Variants in LRRC63 observed in about 807,000 individuals in gnomAD.
LRRC63 encodes the protein leucine rich repeat containing 63, also known as leucine-rich repeat-containing protein 63.
LRRC63 carries 40 observed loss-of-function variants against 49.5 expected under a neutral mutation model. The observed-to-expected ratio is 0.81, with a 90% CI of 0.63 to 1.05. The LOEUF (loss-of-function observed/expected upper bound fraction) is 1.05. Among genes scored for constraint, LRRC63 ranks in the 50% least tolerant of loss-of-function variants. The probability of loss-of-function intolerance (pLI) is 0.00; values close to 1 mark genes in which losing one functional copy is unlikely to be tolerated. For synonymous variants in LRRC63, 191 were observed against 221.1 expected (o/e 0.86, Z 1.21); for missense variants, 636 against 663.1 (o/e 0.96, Z 0.45).
At chr13:46,258,365 G>A (rs952081295) in intron 7 of LRRC63, among the ~76,000 whole-genome samples, 5 of 150,340 alleles carry the variant, frequency 3.3e-5, no homozygotes, top group Non-Finnish European at 7.4e-5. Context: ...TCCTGACCTT[G>A]TGATCTGCCC....
At chr13:46,230,807 A>G (rs553410353) in intron 4 of LRRC63, among the ~76,000 whole-genome samples, 1 of 152,302 alleles carries the variant, frequency 6.6e-6, no homozygotes, top group South Asian at 2.1e-4. Flanking sequence ...TTTCGAATAT[A>G]AATTTCAACT....
intron 5 of LRRC63, among the ~76,000 whole-genome samples, chr13:46,239,195 G>A (rs1368435783): frequency 6.6e-6 from 1 of 152,024 alleles, no homozygotes; most frequent in Non-Finnish European, 1.5e-5. Context: ...AGCAGATCCA[G>A]GAGTTGATTT....
chr13:46,276,732 A>G (rs779142250), exon 10 of LRRC63: 2 of 1,228,882 alleles, frequency 1.6e-6, no homozygotes, highest in Non-Finnish European at 2.0e-6. Flanking sequence ...AATAAAGGAA[A>G]GCAGTTTTGT....
chr13:46,213,800 T>C (rs61670102), intron 2 of LRRC63, among the ~76,000 whole-genome samples: 2,900 of 152,312 alleles, frequency 0.019, 89 homozygotes, highest in African/African-American at 0.066. Context: ...AACCAGAGGT[T>C]TGCAGGAACC....
chr13:46,228,423 C>T (rs769578990), intron 3 of LRRC63, among the ~76,000 whole-genome samples: 20 of 152,112 alleles, frequency 1.3e-4, no homozygotes, highest in Admixed American at 9.8e-4. Flanking sequence ...TGGGAACCAA[C>T]AAGGGAATTC....
chr13:46,218,591 G>A (rs1161629811), intron 2 of LRRC63, among the ~76,000 whole-genome samples: 1 of 152,084 alleles, frequency 6.6e-6, no homozygotes, highest in African/African-American at 2.4e-5. Context: ...GGGGCATTTA[G>A]CCTATTTACA....
At chr13:46,270,659 G>A (rs1397565888) in intron 9 of LRRC63, 1 of 787,198 alleles carries the variant, frequency 1.3e-6, no homozygotes, top group East Asian at 2.7e-5. Context: ...TGGGATTCTT[G>A]TTACCTGGCC....
intron 2 of LRRC63, among the ~76,000 whole-genome samples, chr13:46,225,233 C>G (rs2046535290): frequency 6.6e-6 from 1 of 152,216 alleles, no homozygotes; most frequent in Non-Finnish European, 1.5e-5. Flanking sequence ...TCAGGTTCTT[C>G]TGCTCTCTGC....
At chr13:46,220,752 G>A (rs1207454743) in intron 2 of LRRC63, among the ~76,000 whole-genome samples, 4 of 152,150 alleles carry the variant, frequency 2.6e-5, no homozygotes. Flanking sequence ...GCACCTGAGG[G>A]AATCTCCTGG....
At chr13:46,259,561 C>T (rs1594090883) in intron 7 of LRRC63, among the ~76,000 whole-genome samples, 1 of 152,160 alleles carries the variant, frequency 6.6e-6, no homozygotes, top group East Asian at 1.9e-4. Context: ...CAAAAAGAAC[C>T]GAACAGCCTA....
intron 2 of LRRC63, among the ~76,000 whole-genome samples, chr13:46,225,011 C>T (rs1325498944): frequency 6.6e-6 from 1 of 152,086 alleles, no homozygotes; most frequent in Non-Finnish European, 1.5e-5. Flanking sequence ...ACTGGTGGGC[C>T]GGTTCCTGGG....
intron 5 of LRRC63, among the ~76,000 whole-genome samples, chr13:46,245,506 C>T (rs971594506): frequency 1.3e-5 from 2 of 152,010 alleles, no homozygotes; most frequent in Non-Finnish European, 2.9e-5. Flanking sequence ...TTGTAGTTCT[C>T]GTACCACAAC....
At chr13:46,273,533 C>G (rs2047788386) in intron 9 of LRRC63, among the ~76,000 whole-genome samples, 1 of 150,294 alleles carries the variant, frequency 6.7e-6, no homozygotes. Context: ...ACCCAGGAGC[C>G]TGAGGTTGCA....
Position 46,246,364 on chromosome 13 carries a change from A to G in LRRC63, c.991-163A>G, listed in dbSNP as rs139122439. Among the ~76,000 whole-genome samples the G allele has an allele frequency of 3.2e-3, 489 of 152,276 alleles. 3 individuals carry two copies. Among genetic ancestry groups the G allele is most frequent in the African/African-American group, 0.011 (459 of 41,544 alleles). ...TTTACATACCAAAGAAATTATTATC[A>G]TGACAGACTAAAAAAAAATGAATGG... On this transcript the variant is annotated intron_variant, in intron 5 of 9. Coordinates refer to ENST00000595396, the Ensembl canonical transcript of LRRC63.
At chr13:46,236,130 G>GA (rs1194242029) in intron 5 of LRRC63, among the ~76,000 whole-genome samples, 12 of 150,390 alleles carry the variant, frequency 8.0e-5, no homozygotes, top group Non-Finnish European at 3.0e-5. Context: ...AGAACAGAAA[G>GA]AAAAAAAATA....
At chr13:46,244,780 G>A (rs953444318) in intron 5 of LRRC63, among the ~76,000 whole-genome samples, 10 of 151,994 alleles carry the variant, frequency 6.6e-5, no homozygotes, top group African/African-American at 2.4e-4. Context: ...TAAAAAAAGG[G>A]GGAATAGAGA....
intron 9 of LRRC63, 139 bp from the exon 10 acceptor site, chr13:46,276,451 C>T (rs1325666473): frequency 5.0e-6 from 2 of 399,186 alleles, no homozygotes; most frequent in Non-Finnish European, 8.7e-6. Context: ...TTTAGTCTTT[C>T]ACTTAATGGG....
At chr13:46,212,915 ATTTTCT>A in intron 1 of LRRC63, 81 bp from the exon 2 acceptor site, 1 of 683,788 alleles carries the variant, frequency 1.5e-6, no homozygotes, top group South Asian at 2.0e-5. Flanking sequence ...GTACAGAATG[ATTTTCT>A]TTAAGATGTA....
intron 7 of LRRC63, among the ~76,000 whole-genome samples, chr13:46,255,659 T>TATAC (rs1555328644): frequency 7.1e-6 from 1 of 141,364 alleles, no homozygotes; most frequent in Non-Finnish European, 1.5e-5. Context: ...TATATATATA[T>TATAC]ATATATAGTT....
Sources: gnomAD v4.1 joint callset for allele counts (sites outside exome capture counted in the v4.1 genomes callset) on GRCh38, gnomAD v4.1.1 for gene constraint, MANE v1.5 for transcripts, NCBI Gene and HGNC (gene_info 2026-07-23, HGNC 2026-07-21) for gene names.